BMAL1: variants seen among roughly 807,000 people sequenced by gnomAD.
BMAL1 encodes basic helix-loop-helix ARNT-like protein 1.
the BMAL1 span, among the ~76,000 whole-genome samples, chr11:13,339,323 T>G: frequency 6.6e-6 from 1 of 152,082 alleles, no homozygotes; most frequent in Non-Finnish European, 1.5e-5. Context: ...ATGTCTAGAA[T>G]CCAGCTGCTT....
the BMAL1 span, among the ~76,000 whole-genome samples, chr11:13,362,793 C>A: frequency 3.9e-4 from 59 of 152,056 alleles, no homozygotes; most frequent in Admixed American, 6.5e-4. Flanking sequence ...GGGCATGTGA[C>A]CTCTGCAGTT....
the BMAL1 span, among the ~76,000 whole-genome samples, chr11:13,365,989 G>A: frequency 1.4e-4 from 21 of 152,124 alleles, no homozygotes; most frequent in Admixed American, 9.2e-4. Context: ...TAGCTCTATT[G>A]AACCTCAGTT....
the BMAL1 span, among the ~76,000 whole-genome samples, chr11:13,277,275 A>C: frequency 2.0e-5 from 3 of 152,140 alleles, no homozygotes; most frequent in Non-Finnish European, 2.9e-5. Flanking sequence ...AGGGGAGAAG[A>C]AGAAGGAGGA....
At chr11:13,342,648 TC>T in the BMAL1 span, among the ~76,000 whole-genome samples, 1 of 151,092 alleles carries the variant, frequency 6.6e-6, no homozygotes, top group Non-Finnish European at 1.5e-5. Flanking sequence ...CCTGATTTTT[TC>T]CCCCGAATAA....
At chr11:13,295,219 A>G in the BMAL1 span, among the ~76,000 whole-genome samples, 3 of 152,134 alleles carry the variant, frequency 2.0e-5, no homozygotes, top group Non-Finnish European at 4.4e-5. Flanking sequence ...AGCACCTTCA[A>G]TCTGGCAGCC....
the BMAL1 span, chr11:13,372,369 C>T: frequency 6.2e-7 from 1 of 1,614,086 alleles, no homozygotes; most frequent in East Asian, 2.2e-5. Flanking sequence ...ATATGTTTCT[C>T]GGCACGCGAT....
the BMAL1 span, among the ~76,000 whole-genome samples, chr11:13,366,300 G>C: frequency 2.6e-5 from 4 of 152,220 alleles, no homozygotes; most frequent in African/African-American, 7.2e-5. Context: ...GGTGACTGAA[G>C]CATATGATAT....
chr11:13,311,074 T>G, the BMAL1 span, among the ~76,000 whole-genome samples: 3 of 152,260 alleles, frequency 2.0e-5, no homozygotes, highest in African/African-American at 4.8e-5. Flanking sequence ...CTTGCTTGTT[T>G]ACGGTGGTAT....
the BMAL1 span, among the ~76,000 whole-genome samples, chr11:13,325,230 G>T: frequency 6.6e-6 from 1 of 152,188 alleles, no homozygotes; most frequent in South Asian, 2.1e-4. Context: ...GCTCTCTGGG[G>T]AGTGACTCTG....
chr11:13,319,372 C>G, the BMAL1 span, among the ~76,000 whole-genome samples: 2 of 152,200 alleles, frequency 1.3e-5, no homozygotes. Flanking sequence ...AGAAGTAGGA[C>G]TTTTGGTTTA....
chr11:13,278,935 C>A, the BMAL1 span, among the ~76,000 whole-genome samples: 1 of 152,196 alleles, frequency 6.6e-6, no homozygotes, highest in African/African-American at 2.4e-5. Flanking sequence ...TTAGCCTCCC[C>A]GAGGGGTCGC....
At chr11:13,354,527 C>G in the BMAL1 span, 1 of 1,528,498 alleles carries the variant, frequency 6.5e-7, no homozygotes, top group South Asian at 1.2e-5. Context: ...CAGCCAGCTA[C>G]TGTTTCATCC....
At chr11:13,375,514 G>A in the BMAL1 span, 65 of 1,038,872 alleles carry the variant, frequency 6.3e-5, no homozygotes, top group African/African-American at 6.0e-4. Flanking sequence ...GAGCGATGTC[G>A]TTGGAGCTCA....
At chr11:13,384,686 G>A in the BMAL1 span, among the ~76,000 whole-genome samples, 1 of 152,214 alleles carries the variant, frequency 6.6e-6, no homozygotes, top group African/African-American at 2.4e-5. Context: ...TGAGAATCCA[G>A]TTGAAAATTA....
chr11:13,351,912 G>A, the BMAL1 span, among the ~76,000 whole-genome samples: 3 of 152,224 alleles, frequency 2.0e-5, no homozygotes, highest in Non-Finnish European at 4.4e-5. Flanking sequence ...AGAGAAATGG[G>A]ACAATAGCTG....
chr11:13,356,709 A>G, the BMAL1 span: 1 of 1,613,762 alleles, frequency 6.2e-7, no homozygotes, highest in Non-Finnish European at 8.5e-7. Context: ...CTTTATTAAC[A>G]TGCAGTCACA....
chr11:13,332,334 A>T, the BMAL1 span, among the ~76,000 whole-genome samples: 3 of 152,310 alleles, frequency 2.0e-5, no homozygotes, highest in East Asian at 5.8e-4. Flanking sequence ...TGTACACAGA[A>T]TGTCCCCAAG....
the BMAL1 span, among the ~76,000 whole-genome samples, chr11:13,297,547 A>G: frequency 6.6e-6 from 1 of 152,142 alleles, no homozygotes; most frequent in African/African-American, 2.4e-5. Context: ...GCTGGTGGGT[A>G]TTGGTGTGAG....
At chr11:13,338,588 C>G in the BMAL1 span, among the ~76,000 whole-genome samples, 2 of 152,162 alleles carry the variant, frequency 1.3e-5, no homozygotes, top group Non-Finnish European at 2.9e-5. Context: ...CTGCCCTGCC[C>G]TCTTTCTCCT....
Sources: gnomAD v4.1 joint callset for allele counts (sites outside exome capture counted in the v4.1 genomes callset) on GRCh38, gnomAD v4.1.1 for gene constraint, MANE v1.5 for transcripts, NCBI Gene and HGNC (gene_info 2026-07-23, HGNC 2026-07-21) for gene names.